Variants in SLC28A1 observed in about 807,000 individuals in gnomAD.
SLC28A1 encodes sodium/nucleoside cotransporter 1.
A neutral mutation model predicts 74.8 loss-of-function variants in SLC28A1; 64 were observed. The observed-to-expected ratio is 0.86, with a 90% confidence interval of 0.70 to 1.05. SLC28A1 has a LOEUF of 1.05. SLC28A1 is among the 50% of genes least tolerant of loss of function. The probability of loss-of-function intolerance (pLI) is 0.00; values close to 1 mark genes in which losing one functional copy is unlikely to be tolerated. For synonymous variants in SLC28A1, 359 were observed against 335.0 expected (o/e 1.07, Z -0.78); for missense variants, 828 against 822.8 (o/e 1.01, Z -0.08).
At chr15:84,894,919 C>T (rs1256583823) in intron 5 of SLC28A1, 21 bp from the exon 6 acceptor site, 1 of 1,613,376 alleles carries the variant, frequency 6.2e-7, no homozygotes, top group East Asian at 2.2e-5. Flanking sequence ...CTGTTGACCC[C>T]TCCTCTGTCT....
At chr15:84,946,110 A>ATTTTTTTTTTTTT (rs1382844934), downstream of SLC28A1, among the ~76,000 whole-genome samples, 1 of 9,598 alleles carries the variant, frequency 1.0e-4, no homozygotes, top group Non-Finnish European at 2.4e-4. Context: ...ATATATATAT[A>ATTTTTTTTTTTTT]TATTTTTTTT....
At chr15:84,966,252 A>AT in the SLC28A1 span, among the ~76,000 whole-genome samples, 3 of 151,850 alleles carry the variant, frequency 2.0e-5, no homozygotes, top group Non-Finnish European at 4.4e-5. Context: ...TAATTTTTGT[A>AT]TTTTTAGTTT....
intron 2 of SLC28A1, chr15:84,887,280 A>G (rs1328735247): frequency 1.2e-6 from 1 of 805,114 alleles, no homozygotes; most frequent in African/African-American, 1.9e-5. Flanking sequence ...TATCAGATAC[A>G]TATGCAGGCT....
chr15:84,888,082 G>A (rs971158352), intron 3 of SLC28A1, among the ~76,000 whole-genome samples: 2 of 152,152 alleles, frequency 1.3e-5, no homozygotes, highest in African/African-American at 4.8e-5. Flanking sequence ...AGCACGTACT[G>A]TGTGCACTAT....
At chr15:84,886,303 G>C in intron 1 of SLC28A1, 1 of 984,938 alleles carries the variant, frequency 1.0e-6, no homozygotes, top group Non-Finnish European at 1.2e-6. Flanking sequence ...GAGAAAGGGA[G>C]ATAGAGAAAG....
intron 6 of SLC28A1, among the ~76,000 whole-genome samples, chr15:84,899,936 AAAGAAAGG>A (rs1482901383): frequency 1.3e-3 from 90 of 70,940 alleles, no homozygotes; most frequent in South Asian, 0.012. Flanking sequence ...GGAAAGAAAG[AAAGAAAGG>A]AAGGAAGGAA....
downstream of SLC28A1, among the ~76,000 whole-genome samples, chr15:84,946,706 GC>G (rs1393844310): frequency 6.6e-6 from 1 of 152,042 alleles, no homozygotes; most frequent in African/African-American, 2.4e-5. Context: ...CTGATGGGTG[GC>G]CCGCCCTCAC....
chr15:84,933,318 G>A, intron 13 of SLC28A1, 43 bp downstream of exon 13: 1 of 1,604,076 alleles, frequency 6.2e-7, no homozygotes, highest in South Asian at 1.1e-5. Flanking sequence ...AGTGGTACAA[G>A]GTGGGGGGAG....
chr15:84,885,600 G>A (rs764998882), intron 1 of SLC28A1, among the ~76,000 whole-genome samples: 6 of 151,760 alleles, frequency 4.0e-5, no homozygotes, highest in South Asian at 2.1e-4. Flanking sequence ...GTGTGGTGGC[G>A]CATGCCTGTA....
intron 9 of SLC28A1, among the ~76,000 whole-genome samples, chr15:84,917,434 C>T (rs988038537): frequency 6.6e-6 from 1 of 152,128 alleles, no homozygotes; most frequent in Non-Finnish European, 1.5e-5. Flanking sequence ...CACACAACGC[C>T]CCTCACACAC....
chr15:84,912,805 C>CGT (rs1456894081), intron 9 of SLC28A1, among the ~76,000 whole-genome samples: 2 of 71,598 alleles, frequency 2.8e-5, no homozygotes, highest in African/African-American at 3.8e-5. Flanking sequence ...TTTGCGCGCG[C>CGT]GCACACACAC....
Position 84,907,291 on chromosome 15 carries a change from A to T in SLC28A1, c.718-1427A>T, listed in dbSNP as rs752637445. On this transcript the variant is annotated intron_variant, in intron 8 of 18. Coordinates refer to ENST00000394573, the MANE Select transcript of SLC28A1 (RefSeq NM_004213.5). ...TGGTCTCCTTTATTTAACACTTAGAATTTTTTTTAAATCTATTTATTTGTT... is the reference window on the plus strand; with the variant it reads ...TGGTCTCCTTTATTTAACACTTAGATTTTTTTTTAAATCTATTTATTTGTT... 1.3e-5 allele frequency among the ~76,000 whole-genome samples: 2 copies of T among 152,178 alleles called. 1 individual carries two copies. The highest frequency in any genetic ancestry group is 6.8e-3 in the Middle Eastern group (2 of 294).
chr15:84,937,121 T>C (rs6496542), intron 15 of SLC28A1, among the ~76,000 whole-genome samples: 135,732 of 150,404 alleles, frequency 0.9, 61,481 homozygotes, highest in African/African-American at 0.97. Flanking sequence ...AACCGTGCTG[T>C]AGCCATTTTT....
At chr15:84,930,275 C>T (rs141425938) in intron 12 of SLC28A1, among the ~76,000 whole-genome samples, 154 of 152,288 alleles carry the variant, frequency 1.0e-3, no homozygotes, top group East Asian at 8.9e-3. Context: ...TGGGGCTGAG[C>T]AACTGAGGAG....
At chr15:84,946,076 G>GTA (rs199503855), downstream of SLC28A1, among the ~76,000 whole-genome samples, 12,946 of 55,994 alleles carry the variant, frequency 0.23, 2,438 homozygotes, top group Middle Eastern at 0.39. Context: ...ATATATGTGT[G>GTA]TGTATGTTCA....
downstream of SLC28A1, among the ~76,000 whole-genome samples, chr15:84,949,204 G>A (rs961552161): frequency 6.6e-6 from 1 of 152,162 alleles, no homozygotes; most frequent in African/African-American, 2.4e-5. Flanking sequence ...CTGATTCGAA[G>A]CTGTTCTGAA....
Position 84,935,343 on chromosome 15 carries a change from G to A in SLC28A1, c.1406G>A (p.Arg469Gln), listed in dbSNP as rs1334101396. 18 of 1,614,074 alleles carry A rather than the reference G, an allele frequency of 1.1e-5. No individual in the cohort carries two copies. Among genetic ancestry groups the A allele is most frequent in the South Asian group, 3.3e-5 (3 of 91,082 alleles). ...CAGCTCATCTGCTCCTACATCCTGC[G>A]GCCTGTAGCCTTCTTGATGGGTGTG... ...SFQLICSYILRPVAFLMGVAW... is the reference protein window; with the variant it reads ...SFQLICSYILQPVAFLMGVAW... The change falls in exon 15 of 19, where the codon CGG becomes CAG. Residue 469 changes from arginine (R) to glutamine (Q), a missense_variant. Coordinates refer to ENST00000394573, the MANE Select transcript of SLC28A1 (RefSeq NM_004213.5).
chr15:84,944,443 C>A (rs1973075131), intron 16 of SLC28A1, 123 bp from the exon 17 acceptor site: 4 of 738,612 alleles, frequency 5.4e-6, no homozygotes, highest in Non-Finnish European at 9.8e-6. Context: ...AGGACAACAT[C>A]TGTCCCTCTG....
chr15:84,902,036 A>G (rs1966734497), intron 6 of SLC28A1, among the ~76,000 whole-genome samples: 1 of 152,248 alleles, frequency 6.6e-6, no homozygotes, highest in African/African-American at 2.4e-5. Context: ...ATAAGATGAA[A>G]CAGACTAGTG....
Sources: allele counts gnomAD v4.1 joint callset (sites outside exome capture counted in the v4.1 genomes callset), GRCh38; gene constraint gnomAD v4.1.1; transcripts MANE v1.5; gene names NCBI Gene and HGNC (gene_info 2026-07-23, HGNC 2026-07-21).